PPP6R3: variants seen among roughly 807,000 people sequenced by gnomAD.
PPP6R3 encodes protein phosphatase 6 regulatory subunit 3.
Under a neutral mutation model 110.7 loss-of-function variants are expected in PPP6R3, and 38 were observed. That is an observed-to-expected ratio of 0.34 (90% CI 0.26 to 0.45). The LOEUF is 0.45. PPP6R3 is among the 20% of genes least tolerant of loss of function. The pLI, the probability that PPP6R3 is intolerant of heterozygous loss-of-function variation, is 1.00. For synonymous variants in PPP6R3, 369 were observed against 373.5 expected (o/e 0.99, Z 0.14); for missense variants, 870 against 1,062.4 (o/e 0.82, Z 2.52).
chr11:68,502,822 T>C (rs968063244), intron 1 of PPP6R3, among the ~76,000 whole-genome samples: 1 of 152,220 alleles, frequency 6.6e-6, no homozygotes, highest in African/African-American at 2.4e-5. Context: ...TTAAATACCA[T>C]GTGCTTGTGA....
intron 1 of PPP6R3, among the ~76,000 whole-genome samples, chr11:68,461,212 G>C (rs1360023716): frequency 1.3e-5 from 2 of 151,468 alleles, no homozygotes; most frequent in African/African-American, 4.8e-5. Context: ...CCCCCGCCCG[G>C]CCCGCGCCCG....
At chr11:68,603,228 C>T (rs2099637218) in intron 21 of PPP6R3, 114 bp from the exon 22 acceptor site, 6 of 1,366,394 alleles carry the variant, frequency 4.4e-6, no homozygotes, top group Non-Finnish European at 6.0e-6. Flanking sequence ...CCATCTCACT[C>T]TTTTTTTTCT....
intron 3 of PPP6R3, among the ~76,000 whole-genome samples, chr11:68,540,163 A>G (rs1332972338): frequency 6.6e-6 from 1 of 152,244 alleles, no homozygotes; most frequent in African/African-American, 2.4e-5. Context: ...GGAAGCCACC[A>G]GAGGGTTTTG....
chr11:68,551,532 T>G (rs376136035), intron 6 of PPP6R3, among the ~76,000 whole-genome samples: 57 of 152,258 alleles, frequency 3.7e-4, no homozygotes, highest in African/African-American at 1.3e-3. Context: ...CTCTGTCGCC[T>G]AGGCTGGAAT....
At chr11:68,548,595 C>T (rs1486189801) in intron 5 of PPP6R3, among the ~76,000 whole-genome samples, 1 of 152,146 alleles carries the variant, frequency 6.6e-6, no homozygotes, top group African/African-American at 2.4e-5. Context: ...CCACGCTCTT[C>T]AGGGCCACCT....
chr11:68,548,901 C>A (rs1374053934), intron 5 of PPP6R3, among the ~76,000 whole-genome samples: 3 of 152,046 alleles, frequency 2.0e-5, no homozygotes, highest in Non-Finnish European at 4.4e-5. Context: ...CTCTTCCTTT[C>A]TTTTTTGAGT....
intron 2 of PPP6R3, chr11:68,522,660 T>A (rs1233753881): frequency 2.0e-5 from 3 of 152,278 alleles, no homozygotes; most frequent in Non-Finnish European, 4.4e-5. Flanking sequence ...AGTCTCCAGA[T>A]GCCTGCTGGC....
intron 1 of PPP6R3, among the ~76,000 whole-genome samples, chr11:68,474,475 T>C (rs898068349): frequency 6.6e-6 from 1 of 152,258 alleles, no homozygotes; most frequent in African/African-American, 2.4e-5. Flanking sequence ...ACTTACCTAA[T>C]GCCTTATGAT....
chr11:68,503,280 G>A (rs779264648), intron 1 of PPP6R3, among the ~76,000 whole-genome samples: 4 of 152,144 alleles, frequency 2.6e-5, no homozygotes, highest in Non-Finnish European at 5.9e-5. Flanking sequence ...AAACGGCTTC[G>A]TTTATTCAAC....
In PPP6R3 at chr11:68,583,102, T is replaced by A. The variant is rs1463737502; in HGVS notation, c.1605T>A (p.Gly535=). 6.5e-7 allele frequency: 1 copy of A among 1,547,708 alleles called. No individual in the cohort carries two copies. The highest frequency in any genetic ancestry group is 1.4e-5 in the African/African-American group (1 of 73,024). The change falls in exon 15 of 24, where the codon GGT becomes GGA. Residue 535 remains glycine (G), a synonymous_variant. Coordinates refer to ENST00000393800, the MANE Select transcript of PPP6R3 (RefSeq NM_001164161.2). The stretch of plus-strand genomic sequence containing the variant: ...ATGAAATTGACTTTAAAGAAACGGG[T>A]TTCTCACAGGATTCTTCTTTGCAGC... ...SDDEIDFKET[G]FSQDSSLQQA...
intron 14 of PPP6R3, among the ~76,000 whole-genome samples, chr11:68,582,710 C>T (rs1273955890): frequency 6.6e-6 from 1 of 152,232 alleles, no homozygotes; most frequent in Admixed American, 6.5e-5. Flanking sequence ...GTGCCATTAC[C>T]TCTGTCTTTC....
chr11:68,557,705 A>C (rs1761065094), intron 7 of PPP6R3, among the ~76,000 whole-genome samples: 1 of 152,044 alleles, frequency 6.6e-6, no homozygotes, highest in Admixed American at 6.6e-5. Context: ...TTTTTAGTAG[A>C]AATGGGGTTT....
At position 68,558,754 on chromosome 11, in the gene PPP6R3, A is replaced by T. The variant is rs1292149687; in HGVS notation, c.845+75A>T. 3.6e-6 allele frequency: 4 copies of T among 1,098,824 alleles called. No individual in the cohort carries two copies. The Admixed American group carries it at 7.5e-5, about 21-fold the overall frequency. 68.1% of individuals were successfully genotyped at this position (1,098,824 alleles called of 1,614,324 possible). ...GATTTAAGAGTTAAATTCTTAGTGG[A>T]TAAGCTGTAATAGCGTACCTTTGAA... On this transcript the variant is annotated intron_variant, in intron 8 of 23. Transcript: ENST00000393800.
chr11:68,586,755 A>C (rs1490804340), intron 15 of PPP6R3: 2 of 152,234 alleles, frequency 1.3e-5, no homozygotes, highest in Non-Finnish European at 2.9e-5. Context: ...TCCATGCCAT[A>C]ATTCCCTGCC....
At chr11:68,598,084 C>G (rs1304506901) in intron 19 of PPP6R3, among the ~76,000 whole-genome samples, 4 of 152,156 alleles carry the variant, frequency 2.6e-5, no homozygotes, top group Non-Finnish European at 5.9e-5. Context: ...TAAACAATTC[C>G]TCATTTCTAC....
intron 1 of PPP6R3, among the ~76,000 whole-genome samples, chr11:68,518,178 T>A (rs1279394292): frequency 6.6e-6 from 1 of 152,192 alleles, no homozygotes; most frequent in Admixed American, 6.5e-5. Context: ...TAAGTATTGT[T>A]CTACATATTA....
At chr11:68,579,390 G>C (rs552558712) in intron 14 of PPP6R3, among the ~76,000 whole-genome samples, 2 of 152,166 alleles carry the variant, frequency 1.3e-5, no homozygotes, top group Non-Finnish European at 2.9e-5. Flanking sequence ...ATTTTATTTC[G>C]AAAGAAGATA....
rs764633013 is a variant in PPP6R3 at position 68,519,571 on chromosome 11, C to G, written c.-87C>G. On this transcript the variant is annotated 5_prime_UTR_variant, in exon 2 of 24. Coordinates refer to ENST00000393800, the MANE Select transcript of PPP6R3 (RefSeq NM_001164161.2). ...GCTAATGCAGTAAATTGGAGGAAAACTGTTACCAGGATAACCTGTAATGGG... is the reference window on the plus strand; with the variant it reads ...GCTAATGCAGTAAATTGGAGGAAAAGTGTTACCAGGATAACCTGTAATGGG... The G allele has an allele frequency of 3.3e-5, 13 of 398,364 alleles. No homozygotes were observed. Among genetic ancestry groups the G allele is most frequent in the Non-Finnish European group, 5.8e-5 (13 of 226,030 alleles). The allele number at this position is 398,364 out of a possible 1,614,324, so 24.7% of individuals were successfully genotyped here. A position where few individuals can be genotyped will look rare whatever the true frequency, so the allele number is the denominator to read the frequency against.
chr11:68,568,673 G>T (rs1020040496), intron 10 of PPP6R3, among the ~76,000 whole-genome samples: 3 of 152,004 alleles, frequency 2.0e-5, no homozygotes, highest in African/African-American at 7.2e-5. Flanking sequence ...ACTGTGGACC[G>T]TATTTTTGTG....
Sources: allele counts gnomAD v4.1 joint callset (sites outside exome capture counted in the v4.1 genomes callset), GRCh38; gene constraint gnomAD v4.1.1; transcripts MANE v1.5; gene names NCBI Gene and HGNC (gene_info 2026-07-23, HGNC 2026-07-21).